The following WDR18 variants were observed in gnomAD, a reference collection of about 807,000 sequenced individuals.
WDR18 encodes WD repeat-containing protein 18.
WDR18 carries 33 observed loss-of-function variants against 49.6 expected under a neutral mutation model. The ratio of observed to expected loss-of-function variants is 0.67; its 90% confidence interval spans 0.50 to 0.89. The LOEUF (loss-of-function observed/expected upper bound fraction) is 0.89, where lower values mean the gene tolerates loss of function less well. Ranked by LOEUF, WDR18 falls within the 40% of genes least tolerant of loss-of-function variation. WDR18 has a pLI of 0.00. For synonymous variants in WDR18, 315 were observed against 263.6 expected, an observed-to-expected ratio of 1.19 and a Z score of -1.89; for missense variants, 653 against 593.6, an observed-to-expected ratio of 1.10 and a Z score of -1.04.
rs774719221 is a variant in WDR18 at position 984,408 on chromosome 19, A to G, written c.55A>G (p.Ser19Gly). ...VCTDSAAPMW[S>G]CIVWELHSGA... ...TACGGACTCGGCGGCCCCGATGTGG[A>G]GCTGCATCGTGTGGGAACTTCACTC... Residue 19 changes from serine to glycine, a missense_variant, in exon 1 of 10, where the codon AGC becomes GGC. Transcript: ENST00000585809. 3 of 1,605,146 alleles carry G rather than the reference A, an allele frequency of 1.9e-6. No homozygotes were observed.
intron 4 of WDR18, 166 bp downstream of exon 4, chr19:990,530 G>A (rs1328466459): frequency 1.8e-6 from 2 of 1,090,072 alleles, no homozygotes; most frequent in East Asian, 5.7e-5. Flanking sequence ...AGGTCTGCCA[G>A]CCTGGAAATT....
In WDR18 at chr19:986,217, C is replaced by T. The variant is rs546375829; in HGVS notation, c.321+242C>T. On this transcript the variant is annotated intron_variant, in intron 2 of 9. Coordinates refer to ENST00000585809, the MANE Select transcript of WDR18 (RefSeq NM_024100.4). ...ATAGAGCCCGGTGCAGCCCAGTCCC[C>T]GGCACTCACACACCGCAGCATCTTC... Among the ~76,000 whole-genome samples, 4 of 152,324 alleles carry T rather than the reference C, an allele frequency of 2.6e-5. No homozygotes were observed. The East Asian group carries it at 7.7e-4, about 29-fold the overall frequency.
intron 8 of WDR18, among the ~76,000 whole-genome samples, chr19:993,640 G>C (rs1208559754): frequency 6.6e-6 from 1 of 152,236 alleles, no homozygotes; most frequent in Non-Finnish European, 1.5e-5. Context: ...TCTCCCCATG[G>C]CTGGAGGTGC....
At chr19:983,945 T>C (rs1397361978), upstream of WDR18, among the ~76,000 whole-genome samples, 3 of 152,178 alleles carry the variant, frequency 2.0e-5, no homozygotes, top group Non-Finnish European at 4.4e-5. Flanking sequence ...TTGCTGGGTG[T>C]GCGCTCTCTC....
intron 8 of WDR18, among the ~76,000 whole-genome samples, chr19:993,611 C>T (rs1456390117): frequency 6.6e-6 from 1 of 152,236 alleles, no homozygotes; most frequent in Non-Finnish European, 1.5e-5. Flanking sequence ...GGGCAGTGGC[C>T]TTGCTGGGCC....
At chr19:991,428 G>A (rs890588665) in intron 7 of WDR18, 77 bp downstream of exon 7, 1 of 1,425,018 alleles carries the variant, frequency 7.0e-7, no homozygotes, top group Non-Finnish European at 9.2e-7. Context: ...TGGCTTGGGT[G>A]GGGGCGGGGA....
At chr19:991,703 TGGCTG>T (rs2038554051) in intron 7 of WDR18, among the ~76,000 whole-genome samples, 1 of 888 alleles carries the variant, frequency 1.1e-3, no homozygotes, top group African/African-American at 8.2e-3. Flanking sequence ...GGGCGGGGCC[TGGCTG>T]GGACGGGGCG....
At chr19:991,560 GGGAC>G (rs1489044270) in intron 7 of WDR18, among the ~76,000 whole-genome samples, 8 of 119,446 alleles carry the variant, frequency 6.7e-5, no homozygotes, top group Non-Finnish European at 1.4e-4. Flanking sequence ...GGGCCTGGCT[GGGAC>G]GGGGCGGGGC....
At chr19:987,454 G>A (rs981749241) in intron 2 of WDR18, among the ~76,000 whole-genome samples, 1 of 152,078 alleles carries the variant, frequency 6.6e-6, no homozygotes, top group Non-Finnish European at 1.5e-5. Context: ...TTTGAGATGG[G>A]GTCTCACTAC....
chr19:984,565 T>C lies in WDR18; in HGVS notation c.210+2T>C. 4 of 1,465,886 alleles carry C rather than the reference T, an allele frequency of 2.7e-6. No homozygotes were observed. The highest frequency in any genetic ancestry group is 3.6e-6 in the Non-Finnish European group (4 of 1,107,878). The allele number at this position is 1,465,886 out of a possible 1,614,324, so 90.8% of individuals were successfully genotyped here. A position where few individuals can be genotyped will look rare whatever the true frequency, so the allele number is the denominator to read the frequency against. ...AGCGCCTGGGAGCTCCAGCGGAAGG[T>C]GCGGCGGTGCGGTCTCGCTGCTGGG... On this transcript the variant is annotated splice_donor_variant, in intron 1 of 9. Coordinates refer to ENST00000585809, the MANE Select transcript of WDR18 (RefSeq NM_024100.4). LOFTEE classifies it high-confidence loss of function.
At chr19:994,186 G>T in intron 9 of WDR18, 27 bp from the exon 10 acceptor site, 1 of 1,581,810 alleles carries the variant, frequency 6.3e-7, no homozygotes, top group African/African-American at 1.3e-5. Context: ...GGCCACTTCT[G>T]CCCTCTGACC....
Position 994,011 on chromosome 19 carries a change from G to T in WDR18, c.1099-9G>T. 1 of 1,551,770 alleles carries T rather than the reference G, an allele frequency of 6.4e-7. No homozygotes were observed. The highest frequency in any genetic ancestry group is 8.7e-7 in the Non-Finnish European group (1 of 1,148,284). On this transcript the variant is annotated splice_polypyrimidine_tract_variant and intron_variant, in intron 8 of 9. Transcript: ENST00000585809. ...GCGCCCCGAGGTCACGTGGCTCCCT[G>T]TGTTACAGGGCTCGGAGCCCAGCTA...
chr19:990,151 G>T, intron 3 of WDR18, 72 bp from the exon 4 acceptor site: 3 of 1,484,322 alleles, frequency 2.0e-6, no homozygotes, highest in East Asian at 2.4e-5. Flanking sequence ...TGCGTGAGGT[G>T]GGTGCTGGAG....
At chr19:987,829 G>GTTTTTTTTTTTTCTTTTT (rs2038490847) in intron 2 of WDR18, among the ~76,000 whole-genome samples, 1 of 91,822 alleles carries the variant, frequency 1.1e-5, no homozygotes, top group African/African-American at 5.3e-5. Flanking sequence ...GCCGCCTCCA[G>GTTTTTTTTTTTTCTTTTT]TTTTTTTTTT....
chr19:991,351 G>T lies in WDR18; in HGVS notation c.931G>T (p.Gly311Cys). Residue 311 changes from glycine to cysteine, a missense_variant and splice_region_variant, in exon 7 of 10, where the codon GGC becomes TGC. Physicochemically the swap from Gly to Cys is radical, Grantham distance 159. Coordinates refer to ENST00000585809, the MANE Select transcript of WDR18 (RefSeq NM_024100.4). ...GTGCATCCGGACGGTGGCCCTCAAA[G>T]GTGGGCGCGCCTCTGCTCGGCCCGC... ...KQCIRTVALK[G>C]PVTNAAILLA... 6.4e-7 allele frequency: 1 copy of T among 1,551,952 alleles called. No homozygotes were observed. The highest frequency in any genetic ancestry group is 1.4e-5 in the African/African-American group (1 of 73,082).
chr19:988,023 TTTTGCCAGG>T, intron 2 of WDR18, among the ~76,000 whole-genome samples: 1 of 151,476 alleles, frequency 6.6e-6, no homozygotes, highest in South Asian at 2.1e-4. Flanking sequence ...AGAGACGGAG[TTTTGCCAGG>T]TTGGCCAGGC....
chr19:989,947 C>T (rs781712157), intron 3 of WDR18, 52 bp downstream of exon 3: 33 of 1,543,952 alleles, frequency 2.1e-5, no homozygotes, highest in Non-Finnish European at 2.7e-5. Flanking sequence ...CGGGCTCAGG[C>T]GGGGAGAGGA....
intron 2 of WDR18, among the ~76,000 whole-genome samples, chr19:987,073 C>T (rs572456536): frequency 3.9e-5 from 6 of 152,268 alleles, no homozygotes; most frequent in South Asian, 2.1e-4. Flanking sequence ...ATGGGCATGG[C>T]GGCTCATGCC....
Position 992,003 on chromosome 19 carries a change from G to C in WDR18, c.980G>C (p.Ser327Thr). Residue 327 changes from serine (S) to threonine (T), a missense_variant, in exon 8 of 10, where the codon AGC (serine) becomes ACC (threonine). Coordinates refer to ENST00000585809, the MANE Select transcript of WDR18 (RefSeq NM_024100.4). Reference protein sequence around the residue: ...AILLAPVSMLSSDFRPSLPLP... With the variant: ...AILLAPVSMLTSDFRPSLPLP... ...CTGCTGGCGCCCGTCAGCATGCTGAGCTCAGACTTCAGGCCCAGCCTGCCG... is the reference window on the plus strand; with the variant it reads ...CTGCTGGCGCCCGTCAGCATGCTGACCTCAGACTTCAGGCCCAGCCTGCCG... 1 of 1,598,256 alleles carries C rather than the reference G, an allele frequency of 6.3e-7. No homozygotes were observed. Among genetic ancestry groups the C allele is most frequent in the Non-Finnish European group, 8.5e-7 (1 of 1,176,220 alleles).
Sources: allele counts gnomAD v4.1 joint callset (sites outside exome capture counted in the v4.1 genomes callset), GRCh38; gene constraint gnomAD v4.1.1; transcripts MANE v1.5; gene names NCBI Gene and HGNC (gene_info 2026-07-23, HGNC 2026-07-21).